The following GABRB2 variants were observed in gnomAD, a reference collection of about 807,000 sequenced individuals.
GABRB2 encodes the protein gamma-aminobutyric acid receptor subunit beta-2.
Under a neutral mutation model 54.7 loss-of-function variants are expected in GABRB2, and 16 were observed. The observed-to-expected ratio is 0.29, with a 90% CI of 0.20 to 0.44. GABRB2 has a LOEUF of 0.44. Ranked by LOEUF, GABRB2 falls within the 20% of genes least tolerant of loss-of-function variation. GABRB2 has a pLI of 1.00. For missense variants in GABRB2, 355 were observed against 644.0 expected (o/e 0.55, Z 4.86); for synonymous variants, 244 against 233.8 (o/e 1.04, Z -0.40).
chr5:161,459,453 C>G, intron 4 of GABRB2, 171 bp downstream of exon 4: 1 of 628,596 alleles, frequency 1.6e-6, no homozygotes, highest in East Asian at 2.7e-5. Flanking sequence ...AGGTTAAGTT[C>G]CTTTGTAAGC....
chr5:161,461,467 TG>T (rs1758115850), intron 3 of GABRB2, among the ~76,000 whole-genome samples: 1 of 152,152 alleles, frequency 6.6e-6, no homozygotes, highest in Non-Finnish European at 1.5e-5. Flanking sequence ...TAAATATAAA[TG>T]GGGCTTTTAA....
At chr5:161,350,747 G>A (rs1038671489) in intron 5 of GABRB2, among the ~76,000 whole-genome samples, 1 of 152,104 alleles carries the variant, frequency 6.6e-6, no homozygotes, top group South Asian at 2.1e-4. Context: ...AGCAGGCAGA[G>A]GAACATGGAA....
rs73800523 is a variant in GABRB2 at position 161,494,097 on chromosome 5, C to T, written c.238-34253G>A. Among the ~76,000 whole-genome samples, 358 of 151,686 alleles carry T rather than the reference C, an allele frequency of 2.4e-3. 2 individuals are homozygous for T. Among genetic ancestry groups the T allele is most frequent in the African/African-American group, 8.5e-3 (354 of 41,458 alleles). ...GGTACATCTTTCTCAAAACACACTG[C>T]TAAATATATATCTACAGTTACCATA... On this transcript the variant is annotated intron_variant, in intron 3 of 9. Transcript: ENST00000393959.
intron 4 of GABRB2, among the ~76,000 whole-genome samples, chr5:161,457,198 G>A (rs1030802147): frequency 5.3e-5 from 8 of 152,088 alleles, no homozygotes; most frequent in Admixed American, 3.9e-4. Flanking sequence ...CCCTCTCCGT[G>A]GGGAAGTGTT....
At chr5:161,499,049 T>C (rs923040581) in intron 3 of GABRB2, among the ~76,000 whole-genome samples, 1 of 152,100 alleles carries the variant, frequency 6.6e-6, no homozygotes, top group African/African-American at 2.4e-5. Flanking sequence ...CTTTGTTTGA[T>C]CACCAATAAA....
At chr5:161,336,507 G>A (rs1753997531) in intron 6 of GABRB2, 125 bp downstream of exon 6, 13 of 1,138,026 alleles carry the variant, frequency 1.1e-5, no homozygotes, top group Non-Finnish European at 1.3e-5. Flanking sequence ...GAAACTGAGG[G>A]TTTTCAGTGG....
chr5:161,342,299 C>T (rs1010330264), intron 5 of GABRB2, among the ~76,000 whole-genome samples: 1 of 151,792 alleles, frequency 6.6e-6, no homozygotes, highest in Non-Finnish European at 1.5e-5. Flanking sequence ...GAATAAAATA[C>T]CTCATCATAA....
At chr5:161,344,505 T>C (rs1321952914) in intron 5 of GABRB2, among the ~76,000 whole-genome samples, 5 of 152,106 alleles carry the variant, frequency 3.3e-5, no homozygotes, top group Non-Finnish European at 7.4e-5. Context: ...CATATGCTGG[T>C]ACTATTTGTT....
At chr5:161,382,558 A>G (rs1220586787) in intron 5 of GABRB2, among the ~76,000 whole-genome samples, 1 of 152,142 alleles carries the variant, frequency 6.6e-6, no homozygotes, top group Non-Finnish European at 1.5e-5. Context: ...CACTGGGTAA[A>G]TAACATTAGG....
chr5:161,354,900 C>G (rs1323635123), intron 5 of GABRB2, among the ~76,000 whole-genome samples: 27 of 152,108 alleles, frequency 1.8e-4, no homozygotes. Context: ...CCTAATATTA[C>G]TACTTTTTCC....
chr5:161,332,649 A>G (rs1816072), intron 7 of GABRB2, among the ~76,000 whole-genome samples: 68,080 of 151,954 alleles, frequency 0.45, 16,530 homozygotes, highest in African/African-American at 0.65. Flanking sequence ...ATGGAAAGTT[A>G]TAGAGTTGCC....
intron 9 of GABRB2, among the ~76,000 whole-genome samples, chr5:161,310,688 C>A (rs904151525): frequency 6.6e-6 from 1 of 152,146 alleles, no homozygotes; most frequent in African/African-American, 2.4e-5. Flanking sequence ...CACACACACA[C>A]ACACACACAC....
chr5:161,486,581 GA>G lies in GABRB2; in HGVS notation c.238-26738del, dbSNP rs1190406889. ...CCTGGGCACACAACAGGTTAGTCTG[GA>G]AGGATGGCACATCGATTTGAAGTGC... On this transcript the variant is annotated intron_variant, in intron 3 of 9. Coordinates refer to ENST00000393959, the MANE Select transcript of GABRB2 (RefSeq NM_001371727.1). Among the ~76,000 whole-genome samples, 3 of 151,962 alleles carry G rather than the reference GA, an allele frequency of 2.0e-5. No individual in the cohort carries two copies. The East Asian group carries it at 5.9e-4, about 30-fold the overall frequency.
intron 8 of GABRB2, among the ~76,000 whole-genome samples, chr5:161,329,008 T>C (rs755149782): frequency 1.5e-4 from 23 of 152,170 alleles, no homozygotes; most frequent in Non-Finnish European, 2.9e-4. Flanking sequence ...CACTATGGGG[T>C]AACTGCCTAG....
intron 5 of GABRB2, among the ~76,000 whole-genome samples, chr5:161,357,640 C>T (rs1754676031): frequency 1.3e-5 from 2 of 151,946 alleles, no homozygotes; most frequent in South Asian, 2.1e-4. Context: ...AGTTAGAAGG[C>T]TCTTGTAGTA....
At chr5:161,548,333 C>A, upstream of GABRB2, 1 of 152,466 alleles carries the variant, frequency 6.6e-6, no homozygotes, top group Non-Finnish European at 1.5e-5. Flanking sequence ...AGTCTGGGGA[C>A]ACAAGGCCGT....
chr5:161,467,391 G>T (rs949390608), intron 3 of GABRB2, among the ~76,000 whole-genome samples: 1 of 152,070 alleles, frequency 6.6e-6, no homozygotes, highest in Non-Finnish European at 1.5e-5. Context: ...TTGAGCTGAG[G>T]ATCTGACCTT....
chr5:161,307,842 T>C (rs929372678), intron 9 of GABRB2, among the ~76,000 whole-genome samples: 3 of 151,474 alleles, frequency 2.0e-5, no homozygotes, highest in Non-Finnish European at 4.4e-5. Context: ...CATTGATTTA[T>C]ATAGGCAGAT....
rs181692562 is a variant in GABRB2 at position 161,438,059 on chromosome 5, A to G, written c.458+21565T>C. 2.8e-3 allele frequency among the ~76,000 whole-genome samples: 431 copies of G among 152,308 alleles called. 1 individual carries two copies. Among genetic ancestry groups the G allele is most frequent in the Non-Finnish European group, 4.2e-3 (289 of 68,024 alleles). ...TAGGGCCTTGAATGAACCAAGGCAG[A>G]AGCCAGGGAGTGGCTACAGCAGGCC... On this transcript the variant is annotated intron_variant, in intron 4 of 9. Transcript: ENST00000393959.
Sources: allele counts gnomAD v4.1 joint callset (sites outside exome capture counted in the v4.1 genomes callset), GRCh38; gene constraint gnomAD v4.1.1; transcripts MANE v1.5; gene names NCBI Gene and HGNC (gene_info 2026-07-23, HGNC 2026-07-21).